Variants in TRAPPC9 observed in about 807,000 individuals in gnomAD.
TRAPPC9 encodes trafficking protein particle complex subunit 9, also known as IKK2 binding protein.
A neutral mutation model predicts 124.0 loss-of-function variants in TRAPPC9; 83 were observed. The observed-to-expected ratio is 0.67, with a 90% CI of 0.56 to 0.80. The LOEUF (loss-of-function observed/expected upper bound fraction) is 0.80. Among genes scored for constraint, TRAPPC9 ranks in the 30% least tolerant of loss-of-function variants. The pLI is 0.00. For synonymous variants in TRAPPC9, 638 were observed against 617.5 expected, an observed-to-expected ratio of 1.03 and a Z score of -0.49; for missense variants, 1,302 against 1,508.3, an observed-to-expected ratio of 0.86 and a Z score of 2.27.
At chr8:140,285,173 A>G (rs1273572324) in intron 13 of TRAPPC9, among the ~76,000 whole-genome samples, 1 of 152,176 alleles carries the variant, frequency 6.6e-6, no homozygotes, top group Non-Finnish European at 1.5e-5. Context: ...AACACTCACT[A>G]GTCTGGACCC....
At chr8:140,288,545 C>A (rs2065555752) in intron 12 of TRAPPC9, among the ~76,000 whole-genome samples, 1 of 152,102 alleles carries the variant, frequency 6.6e-6, no homozygotes, top group South Asian at 2.1e-4. Context: ...GACTTCTCAG[C>A]ATTGTAACAG....
At chr8:140,208,835 T>C (rs968993066) in intron 17 of TRAPPC9, among the ~76,000 whole-genome samples, 124 of 152,340 alleles carry the variant, frequency 8.1e-4, no homozygotes, top group African/African-American at 2.9e-3. Flanking sequence ...AGCAGATTTT[T>C]TTTTCAACCA....
rs1030857309 is a variant in TRAPPC9, at chr8:139,825,484, C to T, written c.3055+60395G>A. ...GGGCACCAGGGCCAGGTGGGGGCTGCATGGGTCCCATGCCCAACCTCAGAC... is the reference window on the plus strand; with the variant it reads ...GGGCACCAGGGCCAGGTGGGGGCTGTATGGGTCCCATGCCCAACCTCAGAC... On this transcript the variant is annotated intron_variant, in intron 21 of 22. Transcript: ENST00000438773. This position sits in a 1 kb window ranked among gnomAD's most constrained non-coding sequence, Gnocchi z 4.6. Among the ~76,000 whole-genome samples, 1 of 152,192 alleles carries T rather than the reference C, an allele frequency of 6.6e-6. No individual in the cohort carries two copies. The highest frequency in any genetic ancestry group is 2.4e-5 in the African/African-American group (1 of 41,448).
At chr8:139,812,042 C>A (rs1824479377) in intron 21 of TRAPPC9, among the ~76,000 whole-genome samples, 1 of 152,132 alleles carries the variant, frequency 6.6e-6, no homozygotes, top group African/African-American at 2.4e-5. Context: ...CATCAGGCCA[C>A]ATGGAAGCAG....
At chr8:140,453,301 T>C (rs1479471878) in intron 1 of TRAPPC9, among the ~76,000 whole-genome samples, 1 of 152,128 alleles carries the variant, frequency 6.6e-6, no homozygotes. Flanking sequence ...TATCTAATTT[T>C]GCATTTTTAA....
Position 140,087,177 on chromosome 8 carries a change from G to A in TRAPPC9, c.2557-63098C>T, listed in dbSNP as rs1844241869. 1.3e-5 allele frequency among the ~76,000 whole-genome samples: 2 copies of A among 152,094 alleles called. No individual in the cohort carries two copies. The highest frequency in any genetic ancestry group is 2.9e-5 in the Non-Finnish European group (2 of 68,018). ...CAGCTGTCATTTGCTCCTAAGCCAC[G>A]CCCCATGTTTCCAGCTTTTGAGCTG... On this transcript the variant is annotated intron_variant, in intron 17 of 22. Coordinates refer to ENST00000438773, the MANE Select transcript of TRAPPC9 (RefSeq NM_001160372.4). The surrounding 1 kb of genome is among the most constrained non-coding windows in gnomAD (Gnocchi z 4.6).
chr8:139,874,435 T>G (rs1426307760), intron 21 of TRAPPC9, among the ~76,000 whole-genome samples: 1 of 152,124 alleles, frequency 6.6e-6, no homozygotes, highest in South Asian at 2.1e-4. Context: ...AGTACAACCT[T>G]AAGGAGAAAG....
intron 7 of TRAPPC9, among the ~76,000 whole-genome samples, chr8:140,391,838 C>A (rs1588270659): frequency 6.6e-6 from 1 of 151,960 alleles, no homozygotes; most frequent in Non-Finnish European, 1.5e-5. Context: ...ACCAGCCTGG[C>A]CAACATGGTG....
chr8:140,203,442 T>C (rs1375459909), intron 17 of TRAPPC9, among the ~76,000 whole-genome samples: 1 of 152,204 alleles, frequency 6.6e-6, no homozygotes, highest in Non-Finnish European at 1.5e-5. Flanking sequence ...TTGTTGTTTG[T>C]CTGAAAAGTC....
chr8:140,101,741 C>A lies in TRAPPC9; in HGVS notation c.2557-77662G>T, dbSNP rs547839070. Among the ~76,000 whole-genome samples the A allele has an allele frequency of 4.0e-5, 6 of 151,764 alleles. No individual in the cohort carries two copies. The South Asian group carries it at 1.2e-3, about 32-fold the overall frequency. On this transcript the variant is annotated intron_variant, in intron 17 of 22. Transcript: ENST00000438773. ...TATTTTTAGTAGAAATAAGGTTTCACCATGTTGGCCAGGCTGGTCTCAAAC... is the reference window on the plus strand; with the variant it reads ...TATTTTTAGTAGAAATAAGGTTTCAACATGTTGGCCAGGCTGGTCTCAAAC...
chr8:139,850,893 T>C (rs1020788767), intron 21 of TRAPPC9, among the ~76,000 whole-genome samples: 7 of 152,170 alleles, frequency 4.6e-5, no homozygotes, highest in Non-Finnish European at 7.3e-5. Context: ...CCAAGAAGCA[T>C]TCCTGATATG....
chr8:140,399,784 G>A (rs1286218541), intron 6 of TRAPPC9, among the ~76,000 whole-genome samples: 1 of 152,196 alleles, frequency 6.6e-6, no homozygotes, highest in East Asian at 1.9e-4. Flanking sequence ...GGGAAGGCAT[G>A]ATTGGTTTTG....
intron 17 of TRAPPC9, among the ~76,000 whole-genome samples, chr8:140,054,422 C>A (rs1006683153): frequency 6.6e-6 from 1 of 152,014 alleles, no homozygotes; most frequent in Non-Finnish European, 1.5e-5. Context: ...GAAAGCAGTA[C>A]TAAGAGAGAA....
intron 10 of TRAPPC9, among the ~76,000 whole-genome samples, chr8:140,302,034 C>T (rs1439490925): frequency 6.6e-6 from 1 of 152,218 alleles, no homozygotes; most frequent in Non-Finnish European, 1.5e-5. Context: ...TGCACCCTAA[C>T]CTATACTGCA....
At chr8:140,137,019 C>A (rs1246121551) in intron 17 of TRAPPC9, among the ~76,000 whole-genome samples, 4 of 152,128 alleles carry the variant, frequency 2.6e-5, no homozygotes, top group African/African-American at 9.6e-5. Flanking sequence ...CAGGACTGGA[C>A]AGGACAGAAA....
chr8:140,318,586 C>T (rs1242552358), intron 9 of TRAPPC9, among the ~76,000 whole-genome samples: 6 of 152,326 alleles, frequency 3.9e-5, no homozygotes, highest in African/African-American at 1.4e-4. Flanking sequence ...TCTATGAGTT[C>T]AATTGTTTTG....
intron 19 of TRAPPC9, among the ~76,000 whole-genome samples, chr8:139,969,650 T>C (rs997843454): frequency 2.6e-4 from 40 of 152,206 alleles, no homozygotes; most frequent in African/African-American, 9.2e-4. Flanking sequence ...TGTGAACCTG[T>C]AGAGCACAAA....
At position 140,371,199 on chromosome 8, in the gene TRAPPC9, G is replaced by A. The variant is rs2068272285; in HGVS notation, c.1135-19C>T. 1.3e-6 allele frequency: 2 copies of A among 1,593,130 alleles called. No individual in the cohort carries two copies. The highest frequency in any genetic ancestry group is 2.7e-5 in the African/African-American group (2 of 74,478). ...CAGAAAGCTGAAGCACAGAGAGAAA[G>A]TAAAAAGCTTTTGAAAGAAACGTAT... is the stretch of plus-strand genomic sequence containing the variant. On this transcript the variant is annotated intron_variant, in intron 7 of 22. Transcript: ENST00000438773.
chr8:140,377,334 T>TA (rs1412986183), intron 7 of TRAPPC9, among the ~76,000 whole-genome samples: 1 of 152,162 alleles, frequency 6.6e-6, no homozygotes, highest in Non-Finnish European at 1.5e-5. Flanking sequence ...ATTTCACCCT[T>TA]GTGGCCCAGG....
Sources: gnomAD v4.1 joint callset for allele counts (sites outside exome capture counted in the v4.1 genomes callset) on GRCh38, gnomAD v4.1.1 for gene constraint, Gnocchi (gnomAD v3.1) non-coding constraint, MANE v1.5 for transcripts, NCBI Gene and HGNC (gene_info 2026-07-23, HGNC 2026-07-21) for gene names.